PPP2R1B: variants seen among roughly 807,000 people sequenced by gnomAD.
PPP2R1B encodes protein phosphatase 2 scaffold subunit Abeta.
Under a neutral mutation model 72.7 loss-of-function variants are expected in PPP2R1B, and 58 were observed. The ratio of observed to expected loss-of-function variants is 0.80; its 90% CI spans 0.65 to 0.99. PPP2R1B has a LOEUF of 0.99. PPP2R1B is among the 50% of genes least tolerant of loss of function. The pLI is 0.00. For synonymous variants in PPP2R1B, 256 were observed against 264.6 expected (o/e 0.97, Z 0.32); for missense variants, 695 against 733.6 (o/e 0.95, Z 0.61).
In PPP2R1B at chr11:111,747,983, G is replaced by A; in HGVS notation, c.1370C>T (p.Ser457Phe). The change falls in exon 11 of 15, where the codon TCT (serine) becomes TTT (phenylalanine). Residue 457 changes from serine to phenylalanine, a missense_variant. By Grantham distance (155) the Ser-to-Phe change is radical (BLOSUM62 -2). Coordinates refer to ENST00000527614, the MANE Select transcript of PPP2R1B (RefSeq NM_002716.5). The stretch of plus-strand genomic sequence containing the variant: ...GTCCACGAGCCAAGCCATACATAAA[G>A]AATTCAGCTTTTCATCAAAGAATTC... The part of the protein sequence containing the change: ...GVEFFDEKLN[S>F]LCMAWLVDHV... 1.2e-6 allele frequency: 2 copies of A among 1,613,370 alleles called. No homozygotes were observed. The highest frequency in any genetic ancestry group is 1.7e-5 in the Admixed American group (1 of 60,020).
rs1944488149 is a variant in PPP2R1B at position 111,740,709 on chromosome 11, AGGTG to A, written c.*883_*886del. 1 of 985,300 alleles carries A rather than the reference AGGTG, an allele frequency of 1.0e-6. No homozygotes were observed. The allele number at this position is 985,300 out of a possible 1,614,324, so 61.0% of individuals were successfully genotyped here. A position where few individuals can be genotyped will look rare whatever the true frequency, so the allele number is the denominator to read the frequency against. On this transcript the variant is annotated 3_prime_UTR_variant, in exon 15 of 15. Transcript: ENST00000527614. ...GCTACTGTACAATGCAGCAAGGACTAGGTGTCAATACTGCTGGAAGCAGAGCCAG... is the reference window on the plus strand; with the variant it reads ...GCTACTGTACAATGCAGCAAGGACTATCAATACTGCTGGAAGCAGAGCCAG...
chr11:111,749,275 TTTG>T (rs59554766), intron 10 of PPP2R1B, among the ~76,000 whole-genome samples: 131 of 151,716 alleles, frequency 8.6e-4, no homozygotes, highest in African/African-American at 2.3e-3. Context: ...TATTTTCCAG[TTTG>T]TTGTTGTTGT....
chr11:111,747,545 A>G (rs1391808846), intron 11 of PPP2R1B, among the ~76,000 whole-genome samples: 1 of 152,162 alleles, frequency 6.6e-6, no homozygotes, highest in African/African-American at 2.4e-5. Context: ...TGTCACCTCA[A>G]AAAGCCAAGT....
At chr11:111,705,981 A>C in the PPP2R1B span, among the ~76,000 whole-genome samples, 6 of 152,198 alleles carry the variant, frequency 3.9e-5, no homozygotes, top group Non-Finnish European at 8.8e-5. The surrounding 1 kb of genome is among the most constrained non-coding windows in gnomAD (Gnocchi z 4.3). Context: ...TAGACTCTGT[A>C]TGAAGTTAGC....
At chr11:111,724,252 C>G, downstream of PPP2R1B, 1 of 1,359,226 alleles carries the variant, frequency 7.4e-7, no homozygotes, top group Non-Finnish European at 9.8e-7. Flanking sequence ...AATCGAGCCA[C>G]CCAACTGGAA....
chr11:111,721,245 G>A, the PPP2R1B span, among the ~76,000 whole-genome samples: 6 of 152,276 alleles, frequency 3.9e-5, no homozygotes, highest in South Asian at 6.2e-4. Context: ...ACCCATCCAC[G>A]CTGCTTCCAA....
At chr11:111,764,953 A>G in intron 2 of PPP2R1B, 48 bp from the exon 3 acceptor site, 1 of 1,601,340 alleles carries the variant, frequency 6.2e-7, no homozygotes, top group Non-Finnish European at 8.5e-7. Context: ...GCTCTCCCAC[A>G]GCTGGACACT....
At chr11:111,756,005 G>C (rs1208365583) in intron 5 of PPP2R1B, among the ~76,000 whole-genome samples, 1 of 151,600 alleles carries the variant, frequency 6.6e-6, no homozygotes, top group African/African-American at 2.4e-5. Context: ...TCAGGAGAGG[G>C]AAACCATCCT....
chr11:111,705,871 G>A, the PPP2R1B span, among the ~76,000 whole-genome samples: 1 of 152,208 alleles, frequency 6.6e-6, no homozygotes, highest in African/African-American at 2.4e-5. This position sits in a 1 kb window ranked among gnomAD's most constrained non-coding sequence, Gnocchi z 4.3. Context: ...GAGCAGTTAG[G>A]AGAGTGTTAC....
At chr11:111,721,200 T>C in the PPP2R1B span, 2 of 1,077,144 alleles carry the variant, frequency 1.9e-6, no homozygotes, top group Non-Finnish European at 2.6e-6. Context: ...ACAGCTTCTT[T>C]GCCTTGTTGC....
At chr11:111,753,172 C>T (rs1944975828) in intron 9 of PPP2R1B, among the ~76,000 whole-genome samples, 1 of 152,094 alleles carries the variant, frequency 6.6e-6, no homozygotes, top group Non-Finnish European at 1.5e-5. Flanking sequence ...AACAAAGACA[C>T]ATTAGCTTTA....
At chr11:111,726,461 GGCCTGAT>G (rs908567772), downstream of PPP2R1B, 4 of 154,814 alleles carry the variant, frequency 2.6e-5, no homozygotes, top group African/African-American at 9.6e-5. Context: ...CGTGGACACC[GGCCTGAT>G]GCAGAGCGTG....
downstream of PPP2R1B, chr11:111,722,722 C>A: frequency 6.2e-7 from 1 of 1,614,160 alleles, no homozygotes; most frequent in Non-Finnish European, 8.5e-7. The surrounding 1 kb of genome is among the most constrained non-coding windows in gnomAD (Gnocchi z 4.4). Flanking sequence ...CAAAGAACCA[C>A]CGCGGAGCCT....
In PPP2R1B at chr11:111,738,816, A is replaced by G; in HGVS notation, c.*2780T>C. On this transcript the variant is annotated 3_prime_UTR_variant, in exon 15 of 15. Transcript: ENST00000527614. ...GTGAGGGGTAAACCCCACACAAATT[A>G]CAGAGAGAAACACCAAGGTGAATTC... The G allele has an allele frequency of 2.0e-6, 2 of 985,424 alleles. No individual in the cohort carries two copies. Among genetic ancestry groups the G allele is most frequent in the Non-Finnish European group, 2.4e-6 (2 of 829,974 alleles). The allele number at this position is 985,424 out of a possible 1,614,324, so 61.0% of individuals were successfully genotyped here.
chr11:111,689,255 G>C, the PPP2R1B span, among the ~76,000 whole-genome samples: 210 of 152,302 alleles, frequency 1.4e-3, no homozygotes, highest in African/African-American at 4.8e-3. Flanking sequence ...AGTTTATTCT[G>C]TAGGTAATGG....
At chr11:111,724,143 A>G (rs1201309017), downstream of PPP2R1B, 1 of 1,599,978 alleles carries the variant, frequency 6.3e-7, no homozygotes, top group South Asian at 1.1e-5. Context: ...CAGCACAGGA[A>G]TTGAGGTGGG....
chr11:111,690,454 T>G, the PPP2R1B span, among the ~76,000 whole-genome samples: 1 of 151,828 alleles, frequency 6.6e-6, no homozygotes, highest in Non-Finnish European at 1.5e-5. Flanking sequence ...TTTATTATTA[T>G]TTTTTTACTT....
At chr11:111,762,878 C>T (rs1945378703) in intron 3 of PPP2R1B, among the ~76,000 whole-genome samples, 1 of 152,166 alleles carries the variant, frequency 6.6e-6, no homozygotes, top group Non-Finnish European at 1.5e-5. Flanking sequence ...TTCATGCTTC[C>T]AAGCCTCTGA....
chr11:111,715,381 G>GT, the PPP2R1B span, among the ~76,000 whole-genome samples: 1 of 152,160 alleles, frequency 6.6e-6, no homozygotes, highest in Non-Finnish European at 1.5e-5. Context: ...TGCATTTACT[G>GT]TAACACCCAT....
Sources: allele counts gnomAD v4.1 joint callset (sites outside exome capture counted in the v4.1 genomes callset), GRCh38; gene constraint gnomAD v4.1.1; non-coding constraint Gnocchi (gnomAD v3.1); transcripts MANE v1.5; gene names NCBI Gene and HGNC (gene_info 2026-07-23, HGNC 2026-07-21).